Variants in CNTN6 observed in about 807,000 individuals in gnomAD.
The protein encoded by CNTN6 is contactin 6.
In CNTN6, 137 loss-of-function variants were observed where a neutral mutation model predicts 122.8. That is an observed-to-expected ratio of 1.12 (90% CI 0.97 to 1.29). CNTN6 has a LOEUF of 1.29. CNTN6 is among the 50% of genes most tolerant of loss of function. The pLI, the probability that CNTN6 is intolerant of heterozygous loss-of-function variation, is 0.00. For synonymous variants in CNTN6, 570 were observed against 426.0 expected, an observed-to-expected ratio of 1.34 and a Z score of -4.16; for missense variants, 1,634 against 1,223.4, an observed-to-expected ratio of 1.34 and a Z score of -5.01.
intron 4 of CNTN6, among the ~76,000 whole-genome samples, chr3:1,277,477 A>G (rs1406792414): frequency 6.8e-6 from 1 of 146,742 alleles, no homozygotes; most frequent in Non-Finnish European, 1.5e-5. Flanking sequence ...CTCATGCCTC[A>G]GCCTCCTGAC....
chr3:1,383,282 C>T lies in CNTN6; in HGVS notation c.2402-11C>T, dbSNP rs760374834. ...CTGCTAAAGATGGTTATGTCTTTCT[C>T]TGGATGGTAGAACCTCAACTGGCCC... On this transcript the variant is annotated splice_polypyrimidine_tract_variant and intron_variant, in intron 18 of 22. Coordinates refer to ENST00000446702, the MANE Select transcript of CNTN6 (RefSeq NM_001289080.2). 4.3e-6 allele frequency: 7 copies of T among 1,610,012 alleles called. No homozygotes were observed. The Admixed American group carries it at 1.2e-4, about 27-fold the overall frequency.
At chr3:1,384,796 T>TATATACAC (rs1224742660) in intron 19 of CNTN6, among the ~76,000 whole-genome samples, 4 of 133,786 alleles carry the variant, frequency 3.0e-5, no homozygotes, top group East Asian at 2.2e-4. Flanking sequence ...TATATATATA[T>TATATACAC]ACACACACAC....
chr3:1,110,248 C>T (rs1034093203), intron 1 of CNTN6, among the ~76,000 whole-genome samples: 2 of 151,870 alleles, frequency 1.3e-5, no homozygotes, highest in Non-Finnish European at 2.9e-5. Context: ...TGTAAATAGT[C>T]AATCTTATTA....
chr3:1,297,095 C>A (rs73816286), intron 6 of CNTN6, among the ~76,000 whole-genome samples: 4 of 152,020 alleles, frequency 2.6e-5, no homozygotes, highest in African/African-American at 9.7e-5. Context: ...ACCTTCTCAC[C>A]ATAACCTCTT....
chr3:1,219,328 C>A (rs2094173415), intron 2 of CNTN6, among the ~76,000 whole-genome samples: 1 of 152,124 alleles, frequency 6.6e-6, no homozygotes, highest in Non-Finnish European at 1.5e-5. Flanking sequence ...AGCACAGCAT[C>A]CTGAATCGAA....
At chr3:1,216,509 A>G (rs1433664004) in intron 2 of CNTN6, among the ~76,000 whole-genome samples, 1 of 152,232 alleles carries the variant, frequency 6.6e-6, no homozygotes, top group Non-Finnish European at 1.5e-5. Context: ...ACATTTCATT[A>G]GGCACTGATA....
At chr3:1,179,051 C>G (rs2093506049) in intron 2 of CNTN6, among the ~76,000 whole-genome samples, 1 of 152,108 alleles carries the variant, frequency 6.6e-6, no homozygotes, top group East Asian at 1.9e-4. Flanking sequence ...GTGAGAGTCT[C>G]AGGACACTTC....
intron 12 of CNTN6, among the ~76,000 whole-genome samples, chr3:1,353,573 G>GGACTTAAGTGTTTCAA (rs1706031427): frequency 6.6e-6 from 1 of 151,512 alleles, no homozygotes; most frequent in Non-Finnish European, 1.5e-5. Context: ...AGACAGAGAT[G>GGACTTAAGTGTTTCAA]GACTTAAGTG....
intron 7 of CNTN6, among the ~76,000 whole-genome samples, chr3:1,320,987 C>T (rs1232177544): frequency 6.6e-6 from 1 of 151,400 alleles, no homozygotes; most frequent in East Asian, 1.9e-4. Context: ...CGGTGTAAAT[C>T]CATCTTTGTT....
intron 12 of CNTN6, among the ~76,000 whole-genome samples, chr3:1,367,087 A>G (rs547528607): frequency 6.6e-4 from 101 of 152,274 alleles, no homozygotes; most frequent in Non-Finnish European, 1.2e-3. Context: ...TGATATTTTG[A>G]TACATGTTTA....
At chr3:1,301,298 G>A (rs1352088922) in intron 7 of CNTN6, among the ~76,000 whole-genome samples, 1 of 152,068 alleles carries the variant, frequency 6.6e-6, no homozygotes, top group African/African-American at 2.4e-5. Flanking sequence ...GCCTCCCAAA[G>A]TGCTGGTATT....
intron 11 of CNTN6, among the ~76,000 whole-genome samples, chr3:1,332,492 A>G (rs993788958): frequency 2.2e-4 from 27 of 121,952 alleles, no homozygotes; most frequent in African/African-American, 8.3e-4. Flanking sequence ...GAAAGGAAGG[A>G]AAAAAGGAAG....
At chr3:1,205,533 A>G (rs893801869) in intron 2 of CNTN6, among the ~76,000 whole-genome samples, 1 of 152,162 alleles carries the variant, frequency 6.6e-6, no homozygotes, top group East Asian at 1.9e-4. Flanking sequence ...TTACAAAGCA[A>G]TGCCATCAAA....
intron 1 of CNTN6, among the ~76,000 whole-genome samples, chr3:1,142,388 G>A (rs867640308): frequency 6.6e-6 from 1 of 152,052 alleles, no homozygotes; most frequent in Non-Finnish European, 1.5e-5. Context: ...AGAAGAGGTC[G>A]TATAAAGGCA....
At chr3:1,168,153 C>T (rs565003471) in intron 2 of CNTN6, among the ~76,000 whole-genome samples, 1 of 152,012 alleles carries the variant, frequency 6.6e-6, no homozygotes, top group African/African-American at 2.4e-5. Context: ...GGTGATCTGC[C>T]CACCTCGGCC....
intron 7 of CNTN6, among the ~76,000 whole-genome samples, chr3:1,313,306 C>T (rs1699650304): frequency 6.6e-6 from 1 of 152,052 alleles, no homozygotes; most frequent in Non-Finnish European, 1.5e-5. Context: ...GATTAGTATT[C>T]ATATTATTTA....
intron 17 of CNTN6, among the ~76,000 whole-genome samples, chr3:1,380,420 G>A (rs2126169950): frequency 6.6e-6 from 1 of 152,088 alleles, no homozygotes; most frequent in African/African-American, 2.4e-5. Context: ...TATAGCAATG[G>A]GTAATTCCTT....
chr3:1,120,340 G>A (rs773132476), intron 1 of CNTN6, among the ~76,000 whole-genome samples: 6 of 151,896 alleles, frequency 4.0e-5, no homozygotes, highest in Non-Finnish European at 7.4e-5. Flanking sequence ...AGGTTTAGCT[G>A]TTCTACCTCG....
intron 5 of CNTN6, among the ~76,000 whole-genome samples, chr3:1,280,510 G>A (rs1055723143): frequency 1.3e-4 from 14 of 106,958 alleles, no homozygotes; most frequent in African/African-American, 5.2e-4. Context: ...TGTCTCCCAG[G>A]CTGGAGTGCA....
Sources: allele counts gnomAD v4.1 joint callset (sites outside exome capture counted in the v4.1 genomes callset), GRCh38; gene constraint gnomAD v4.1.1; transcripts MANE v1.5; gene names NCBI Gene and HGNC (gene_info 2026-07-23, HGNC 2026-07-21).